The following CD59 variants were observed in gnomAD, a reference collection of about 807,000 sequenced individuals.
CD59 encodes the protein CD59 glycoprotein.
CD59 carries 3 observed loss-of-function variants against 7.0 expected under a neutral mutation model. That is an observed-to-expected ratio of 0.43 (90% CI 0.19 to 1.10). The LOEUF is 1.10. CD59 is among the 50% of genes least tolerant of loss of function. The pLI is 0.29. For synonymous variants in CD59, 60 were observed against 62.0 expected (o/e 0.97, Z 0.15); for missense variants, 143 against 151.0 (o/e 0.95, Z 0.28).
rs964101165 is a variant in CD59, at chr11:33,706,532, T to C, written c.*3594A>G. On this transcript the variant is annotated 3_prime_UTR_variant, in exon 4 of 4. Transcript: ENST00000642928. Reference sequence around the variant, plus strand: ...AATTCTTTGAGGTAGACATAGAAAGTGAAAGTTCAGAAAGGGTTTAAAAAA... The same window carrying C: ...AATTCTTTGAGGTAGACATAGAAAGCGAAAGTTCAGAAAGGGTTTAAAAAA... 7.3e-6 allele frequency: 1 copy of C among 136,696 alleles called. No homozygotes were observed. Among genetic ancestry groups the C allele is most frequent in the Non-Finnish European group, 1.6e-5 (1 of 64,480 alleles). The allele number at this position is 136,696 out of a possible 1,614,324, so 8.5% of individuals were successfully genotyped here. A position where few individuals can be genotyped will look rare whatever the true frequency, so the allele number is the denominator to read the frequency against.
rs1457230692 is a variant in CD59, at chr11:33,703,719, T to C, written c.*6407A>G. On this transcript the variant is annotated 3_prime_UTR_variant, in exon 4 of 4. Transcript: ENST00000642928. ...AGCCTTTACTGTCATAGTGAAGAGC[T>C]TGCCAAGGACAGGACTGATTCTTCC... The C allele has an allele frequency of 6.6e-6, 1 of 152,166 alleles. No individual in the cohort carries two copies. Among genetic ancestry groups the C allele is most frequent in the Non-Finnish European group, 1.5e-5 (1 of 68,034 alleles). The allele number at this position is 152,166 out of a possible 1,614,324, so 9.4% of individuals were successfully genotyped here. A position where few individuals can be genotyped will look rare whatever the true frequency, so the allele number is the denominator to read the frequency against.
chr11:33,711,988 T>A (rs1853578760), intron 3 of CD59, among the ~76,000 whole-genome samples: 1 of 152,232 alleles, frequency 6.6e-6, no homozygotes, highest in African/African-American at 2.4e-5. Context: ...TCCATTTGAC[T>A]GAGCAATTCC....
Position 33,717,842 on chromosome 11 carries a change from C to T in CD59, c.68-371G>A, listed in dbSNP as rs140381680. The T allele has an allele frequency of 2.0e-4, 61 of 312,592 alleles. No individual in the cohort carries two copies. In the East Asian group the frequency reaches 4.6e-3, roughly 24 times the overall value. 19.4% of individuals were successfully genotyped at this position (312,592 alleles called of 1,614,324 possible). On this transcript the variant is annotated intron_variant, in intron 2 of 3. Transcript: ENST00000642928. ...AAGCAATGAATATGCCCAATTAAATCACATCCTCGTGGGTTGATGATCAAT... is the reference window on the plus strand; with the variant it reads ...AAGCAATGAATATGCCCAATTAAATTACATCCTCGTGGGTTGATGATCAAT...
intron 1 of CD59, among the ~76,000 whole-genome samples, chr11:33,735,416 T>A (rs557194606): frequency 6.6e-6 from 1 of 151,780 alleles, no homozygotes; most frequent in South Asian, 2.1e-4. Flanking sequence ...TAATGTTGGT[T>A]TTTTTTGTTT....
intron 3 of CD59, among the ~76,000 whole-genome samples, chr11:33,713,778 C>G (rs1160508392): frequency 6.6e-6 from 1 of 152,220 alleles, no homozygotes; most frequent in African/African-American, 2.4e-5. Flanking sequence ...AAGTGCTTTA[C>G]TTGAATTATC....
intron 1 of CD59, among the ~76,000 whole-genome samples, chr11:33,730,108 A>C (rs1005569570): frequency 3.9e-5 from 6 of 152,262 alleles, no homozygotes; most frequent in African/African-American, 1.4e-4. Context: ...ATCACTACCC[A>C]AAAACATACA....
chr11:33,726,727 A>G (rs1385865859), intron 1 of CD59, among the ~76,000 whole-genome samples: 2 of 152,224 alleles, frequency 1.3e-5, no homozygotes, highest in African/African-American at 2.4e-5. Flanking sequence ...CAAAAAATCA[A>G]TGAATCCAGG....
Position 33,706,565 on chromosome 11 carries a change from A to C in CD59, c.*3561T>G, listed in dbSNP as rs1029524604. The stretch of plus-strand genomic sequence containing the variant: ...CAGAAAGGGTTTAAAAAAAAAAAAA[A>C]AAAAAAACTTGTCCAGAGACATAGC... On this transcript the variant is annotated 3_prime_UTR_variant, in exon 4 of 4. Coordinates refer to ENST00000642928, the MANE Select transcript of CD59 (RefSeq NM_000611.6). The C allele has an allele frequency of 6.6e-6, 1 of 151,918 alleles. No individual in the cohort carries two copies. 9.4% of individuals were successfully genotyped at this position (151,918 alleles called of 1,614,324 possible).
Position 33,724,798 on chromosome 11 carries a change from T to G in CD59, c.-18-2335A>C, listed in dbSNP as rs114522669. Among the ~76,000 whole-genome samples, 770 of 152,286 alleles carry G rather than the reference T, an allele frequency of 5.1e-3. 7 individuals carry two copies. Among genetic ancestry groups the G allele is most frequent in the African/African-American group, 0.017 (718 of 41,540 alleles). On this transcript the variant is annotated intron_variant, in intron 1 of 3. Transcript: ENST00000642928. ...TCAGTTCCACATGACTGGCTGGTTG[T>G]TGCTATAGCTGATCCCATGACATGC...
chr11:33,710,205 C>G lies in CD59; in HGVS notation c.308G>C (p.Gly103Ala). ...TGTTTTCTCTGATAAGGATGTCCCACCATTTTCAAGCTGTTCGTTAAAGTT... is the reference window on the plus strand; with the variant it reads ...TGTTTTCTCTGATAAGGATGTCCCAGCATTTTCAAGCTGTTCGTTAAAGTT... ...LCNFNEQLEN[G>A]GTSLSEKTVL... The change falls in exon 4 of 4, where the codon GGT becomes GCT. Residue 103 changes from glycine (G) to alanine (A), a missense_variant. Transcript: ENST00000642928. 1 of 1,614,174 alleles carries G rather than the reference C, an allele frequency of 6.2e-7. No homozygotes were observed.
chr11:33,712,036 G>A (rs1263856928), intron 3 of CD59, among the ~76,000 whole-genome samples: 1 of 152,204 alleles, frequency 6.6e-6, no homozygotes, highest in African/African-American at 2.4e-5. Context: ...TCTCTGGAAG[G>A]ATTCCCAAGT....
In CD59 at chr11:33,709,558, C is replaced by G. The variant is rs917026197; in HGVS notation, c.*568G>C. On this transcript the variant is annotated 3_prime_UTR_variant, in exon 4 of 4. Coordinates refer to ENST00000642928, the MANE Select transcript of CD59 (RefSeq NM_000611.6). The stretch of plus-strand genomic sequence containing the variant: ...AGCCACTTGTACCTCTCTAAGTTTT[C>G]ATGCCCTGCTATCTGGAACACTTCC... 2 of 164,750 alleles carry G rather than the reference C, an allele frequency of 1.2e-5. No individual in the cohort carries two copies. Among genetic ancestry groups the G allele is most frequent in the East Asian group, 3.3e-4 (2 of 6,022 alleles). 10.2% of individuals were successfully genotyped at this position (164,750 alleles called of 1,614,324 possible).
chr11:33,727,685 A>G (rs1448847311), intron 1 of CD59, among the ~76,000 whole-genome samples: 1 of 152,248 alleles, frequency 6.6e-6, no homozygotes, highest in East Asian at 1.9e-4. Flanking sequence ...CAATTAGGCA[A>G]CAGAAAGAAA....
chr11:33,725,285 GA>G (rs35899420), intron 1 of CD59, among the ~76,000 whole-genome samples: 4,651 of 86,442 alleles, frequency 0.054, 238 homozygotes, highest in African/African-American at 0.17. Context: ...CCATTTTAAG[GA>G]AAAAAAAAAA....
intron 2 of CD59, chr11:33,719,263 A>C (rs1853940600): frequency 6.6e-6 from 1 of 152,204 alleles, no homozygotes; most frequent in Non-Finnish European, 1.5e-5. Context: ...AATCCTACCC[A>C]ATAGAGGATC....
chr11:33,726,817 C>T (rs182865198), intron 1 of CD59, among the ~76,000 whole-genome samples: 347 of 152,046 alleles, frequency 2.3e-3, no homozygotes, highest in African/African-American at 8.0e-3. Context: ...ATCAAATAGA[C>T]GCAATAAAAA....
intron 1 of CD59, among the ~76,000 whole-genome samples, chr11:33,732,799 C>T (rs1336490700): frequency 1.3e-5 from 2 of 152,106 alleles, no homozygotes; most frequent in African/African-American, 4.8e-5. Context: ...GCCTCTCTTC[C>T]CCAAAAATGT....
chr11:33,730,788 A>G (rs1854394421), intron 1 of CD59, among the ~76,000 whole-genome samples: 1 of 152,206 alleles, frequency 6.6e-6, no homozygotes, highest in Non-Finnish European at 1.5e-5. Context: ...ACAGGGTGCC[A>G]CAAGTGATGC....
Position 33,707,458 on chromosome 11 carries a change from C to G in CD59, c.*2668G>C, listed in dbSNP as rs1413459634. 6.6e-6 allele frequency: 1 copy of G among 152,240 alleles called. No individual in the cohort carries two copies. The allele number at this position is 152,240 out of a possible 1,614,324, so 9.4% of individuals were successfully genotyped here. A position where few individuals can be genotyped will look rare whatever the true frequency, so the allele number is the denominator to read the frequency against. ...ATAGATTAGCATCTTTCAGGAAATACCATGAGCTCCACTTATCTACTCATC... is the reference window on the plus strand; with the variant it reads ...ATAGATTAGCATCTTTCAGGAAATAGCATGAGCTCCACTTATCTACTCATC... On this transcript the variant is annotated 3_prime_UTR_variant, in exon 4 of 4. Coordinates refer to ENST00000642928, the MANE Select transcript of CD59 (RefSeq NM_000611.6).
Sources: allele counts gnomAD v4.1 joint callset (sites outside exome capture counted in the v4.1 genomes callset), GRCh38; gene constraint gnomAD v4.1.1; transcripts MANE v1.5; gene names NCBI Gene and HGNC (gene_info 2026-07-23, HGNC 2026-07-21).